RB1CC1: variants seen among roughly 807,000 people sequenced by gnomAD.
RB1CC1 encodes RB1 inducible coiled-coil 1.
A neutral mutation model predicts 177.5 loss-of-function variants in RB1CC1; 46 were observed. That is an observed-to-expected ratio of 0.26 (90% CI 0.20 to 0.33). RB1CC1 has a LOEUF of 0.33. Ranked by LOEUF, RB1CC1 falls within the 10% of genes least tolerant of loss-of-function variation. The probability of loss-of-function intolerance (pLI) is 1.00; values close to 1 mark genes in which losing one functional copy is unlikely to be tolerated. For missense variants in RB1CC1, 1,703 were observed against 1,816.3 expected (o/e 0.94, Z 1.13); for synonymous variants, 666 against 613.6 (o/e 1.09, Z -1.26).
chr8:52,695,340 C>T (rs1429943480), intron 1 of RB1CC1, among the ~76,000 whole-genome samples: 4 of 152,228 alleles, frequency 2.6e-5, no homozygotes. Context: ...CACAGCACAA[C>T]AGGCAGTGAA....
At chr8:52,681,708 A>G (rs1853737772) in intron 5 of RB1CC1, among the ~76,000 whole-genome samples, 1 of 152,234 alleles carries the variant, frequency 6.6e-6, no homozygotes, top group Non-Finnish European at 1.5e-5. Context: ...AGACAGGAGG[A>G]TCATTTGAGC....
intron 15 of RB1CC1, among the ~76,000 whole-genome samples, chr8:52,652,101 TAA>T (rs1754279819): frequency 6.6e-6 from 1 of 152,148 alleles, no homozygotes; most frequent in Non-Finnish European, 1.5e-5. Context: ...AATCAAAACT[TAA>T]GAGATTTGCA....
At chr8:52,700,735 A>G (rs1158821628) in intron 1 of RB1CC1, among the ~76,000 whole-genome samples, 1 of 152,232 alleles carries the variant, frequency 6.6e-6, no homozygotes, top group Non-Finnish European at 1.5e-5. Flanking sequence ...AATAAAGGGA[A>G]CATAGAAACA....
chr8:52,671,529 CA>C lies in RB1CC1; in HGVS notation c.1002+2315del, dbSNP rs1479536402. Among the ~76,000 whole-genome samples the C allele has an allele frequency of 7.9e-5, 12 of 152,162 alleles. No individual in the cohort carries two copies. The East Asian group carries it at 2.3e-3, about 29-fold the overall frequency. On this transcript the variant is annotated intron_variant, in intron 7 of 23. Transcript: ENST00000025008. ...TCTTCAGAAATGCCCCTAGTCTTATCAAGAAAAAGTATAGTACTCCTGAGAG... is the reference window on the plus strand; with the variant it reads ...TCTTCAGAAATGCCCCTAGTCTTATCAGAAAAAGTATAGTACTCCTGAGAG...
chr8:52,674,986 T>G (rs1228525380), intron 6 of RB1CC1, among the ~76,000 whole-genome samples: 1 of 152,124 alleles, frequency 6.6e-6, no homozygotes, highest in Non-Finnish European at 1.5e-5. Flanking sequence ...AAGATAACTC[T>G]TGTACTCATA....
intron 9 of RB1CC1, 81 bp from the exon 10 acceptor site, chr8:52,661,362 A>G (rs369023776): frequency 6.5e-7 from 1 of 1,534,948 alleles, no homozygotes. Flanking sequence ...TTACTAACTT[A>G]GTTAAGCCAA....
In RB1CC1 at chr8:52,657,160, T is replaced by C. The variant is rs759328833; in HGVS notation, c.2669A>G (p.Asn890Ser). 21 of 1,609,290 alleles carry C rather than the reference T, an allele frequency of 1.3e-5. No individual in the cohort carries two copies. Among genetic ancestry groups the C allele is most frequent in the Non-Finnish European group, 1.8e-5 (21 of 1,176,524 alleles). ...CTCTCCCTTCAATTTTTTAATTTTG[T>C]TTTCATTCTCTTCAGTTTCCTTTAT... ...GLIKETEENE[N>S]KIKKLKGELV... Residue 890 changes from asparagine (N) to serine (S), a missense_variant, in exon 15 of 24, where the codon AAC (asparagine) becomes AGC (serine). Asn to Ser is a conservative substitution (Grantham distance 46, BLOSUM62 1). Coordinates refer to ENST00000025008, the MANE Select transcript of RB1CC1 (RefSeq NM_014781.5).
chr8:52,660,745 G>GT, intron 11 of RB1CC1, 88 bp from the exon 12 acceptor site: 1 of 1,282,970 alleles, frequency 7.8e-7, no homozygotes. Flanking sequence ...TAAATTAAAA[G>GT]TTGACAGTAC....
At chr8:52,700,212 G>T (rs1399975413) in intron 1 of RB1CC1, among the ~76,000 whole-genome samples, 1 of 152,052 alleles carries the variant, frequency 6.6e-6, no homozygotes, top group African/African-American at 2.4e-5. Flanking sequence ...AGACAGAGCT[G>T]AGAAAATTTT....
At chr8:52,676,090 T>C (rs1326035525) in intron 6 of RB1CC1, among the ~76,000 whole-genome samples, 1 of 152,170 alleles carries the variant, frequency 6.6e-6, no homozygotes, top group Non-Finnish European at 1.5e-5. Flanking sequence ...TAAGCAAAGA[T>C]TCTTGGTTTT....
At chr8:52,642,670 A>G (rs1416353697) in intron 17 of RB1CC1, 34 bp downstream of exon 17, 1 of 1,570,994 alleles carries the variant, frequency 6.4e-7, no homozygotes, top group Admixed American at 2.0e-5. Context: ...TCCACTTTAA[A>G]AAATTAAAAA....
intron 18 of RB1CC1, among the ~76,000 whole-genome samples, chr8:52,636,759 C>T (rs748861749): frequency 3.3e-5 from 5 of 152,114 alleles, no homozygotes; most frequent in East Asian, 1.9e-4. Context: ...AGTCAACCTG[C>T]GCATATGGTG....
Position 52,660,591 on chromosome 8 carries a change from C to T in RB1CC1, c.1689+5G>A. 6.3e-7 allele frequency: 1 copy of T among 1,580,138 alleles called. No homozygotes were observed. The highest frequency in any genetic ancestry group is 8.6e-7 in the Non-Finnish European group (1 of 1,166,840). The stretch of plus-strand genomic sequence containing the variant: ...TTTAGTCATGGTTAGAAAATAAATA[C>T]ATACACAAAAGGAAGGGGGCCAGGA... On this transcript the variant is annotated splice_donor_5th_base_variant and intron_variant, in intron 12 of 23. Coordinates refer to ENST00000025008, the MANE Select transcript of RB1CC1 (RefSeq NM_014781.5).
intron 15 of RB1CC1, among the ~76,000 whole-genome samples, chr8:52,655,397 C>A (rs1295569817): frequency 6.6e-6 from 1 of 152,006 alleles, no homozygotes; most frequent in Non-Finnish European, 1.5e-5. Flanking sequence ...AGTAAAAATA[C>A]TAAAAACCAT....
At position 52,641,384 on chromosome 8, in the gene RB1CC1, CAA is replaced by C. The variant is rs33912526; in HGVS notation, c.4337+965_4337+966del. Among the ~76,000 whole-genome samples the C allele has an allele frequency of 3.3e-3, 317 of 97,450 alleles. 1 individual carries two copies. The highest frequency in any genetic ancestry group is 0.016 in the South Asian group (45 of 2,816). The allele number at this position is 97,450 out of a possible 152,430, so 63.9% of individuals were successfully genotyped here. ...GGGGGATAAGAGTGAGACTTCATCT[CAA>C]AAAAAAAAAAAAAAAAAATTAAAAT... On this transcript the variant is annotated intron_variant, in intron 18 of 23. Coordinates refer to ENST00000025008, the MANE Select transcript of RB1CC1 (RefSeq NM_014781.5).
chr8:52,656,398 T>C lies in RB1CC1; in HGVS notation c.3431A>G (p.His1144Arg), dbSNP rs1364784903. ...DQCISELISR[H>R]EEESNILKAE... The stretch of plus-strand genomic sequence containing the variant: ...TTTAAGTATATTAGATTCTTCTTCA[T>C]GTCTACTAATTAACTCGGAAATACA... The change falls in exon 15 of 24, where the codon CAT (histidine) becomes CGT (arginine). Residue 1144 changes from histidine to arginine, a missense_variant. Physicochemically the swap from His to Arg is conservative, Grantham distance 29. Around this residue, in one of 6 missense-constraint regions of RB1CC1, gnomAD observed 1,169 missense variants for 1,184.7 expected, o/e 0.99. Transcript: ENST00000025008. The C allele has an allele frequency of 1.9e-6, 3 of 1,610,994 alleles. No homozygotes were observed. The highest frequency in any genetic ancestry group is 2.5e-6 in the Non-Finnish European group (3 of 1,179,378).
At chr8:52,650,571 A>C (rs1458611445) in intron 15 of RB1CC1, among the ~76,000 whole-genome samples, 4 of 152,146 alleles carry the variant, frequency 2.6e-5, no homozygotes, top group Non-Finnish European at 5.9e-5. Context: ...TCTAGTATTA[A>C]TCCCTTTAAT....
intron 15 of RB1CC1, among the ~76,000 whole-genome samples, chr8:52,651,949 T>C (rs1480380052): frequency 2.0e-5 from 3 of 152,188 alleles, no homozygotes; most frequent in Non-Finnish European, 4.4e-5. Context: ...CAATAAAAAC[T>C]AATGTTCAGA....
At chr8:52,700,340 A>C (rs982544618) in intron 1 of RB1CC1, among the ~76,000 whole-genome samples, 5 of 145,192 alleles carry the variant, frequency 3.4e-5, no homozygotes, top group African/African-American at 1.0e-4. Context: ...CCTGGGCAAC[A>C]TGGTGAGACT....
Sources: gnomAD v4.1 joint callset for allele counts (sites outside exome capture counted in the v4.1 genomes callset) on GRCh38, gnomAD v4.1.1 for gene constraint, gnomAD v4.1.1 regional missense constraint, MANE v1.5 for transcripts, NCBI Gene and HGNC (gene_info 2026-07-23, HGNC 2026-07-21) for gene names.